UGT1A10: variants seen among roughly 807,000 people sequenced by gnomAD.
UGT1A10 encodes UDP-glucuronosyltransferase 1A10.
In UGT1A10, 49 loss-of-function variants were observed where a neutral mutation model predicts 45.8. The ratio of observed to expected loss-of-function variants is 1.07; its 90% CI spans 0.85 to 1.36. The LOEUF is 1.36. UGT1A10 is among the 40% of genes most tolerant of loss of function. The pLI is 0.00. For missense variants in UGT1A10, 745 were observed against 668.6 expected (o/e 1.11, Z -1.26); for synonymous variants, 284 against 249.7 (o/e 1.14, Z -1.29).
At chr2:233,709,289 A>G (rs2076069950) in intron 1 of UGT1A10, among the ~76,000 whole-genome samples, 1 of 152,138 alleles carries the variant, frequency 6.6e-6, no homozygotes, top group African/African-American at 2.4e-5. Context: ...CCCTTCAATT[A>G]ATGATATTTT....
At chr2:233,757,535 A>AATATATATACATATATATACATATAT (rs376887521) in intron 1 of UGT1A10, among the ~76,000 whole-genome samples, 1 of 88,312 alleles carries the variant, frequency 1.1e-5, no homozygotes, top group Non-Finnish European at 2.2e-5. Context: ...GCCTGTAAGG[A>AATATATATACATATATATACATATAT]ATATATATAT....
chr2:233,743,752 C>A, intron 1 of UGT1A10: 1 of 1,367,386 alleles, frequency 7.3e-7, no homozygotes, highest in Non-Finnish European at 9.8e-7. Context: ...CGTCCGACAA[C>A]ACCTCGTAGG....
Position 233,697,037 on chromosome 2 carries a change from CT to C in UGT1A10, c.855+59669del, listed in dbSNP as rs533697413. Among the ~76,000 whole-genome samples, 153 of 150,928 alleles carry C rather than the reference CT, an allele frequency of 1.0e-3. 1 individual carries two copies. The Middle Eastern group carries it at 0.034, about 34-fold the overall frequency. On this transcript the variant is annotated intron_variant, in intron 1 of 4. Transcript: ENST00000344644. ...GTCAGAGATATGGGCCCGCAGTTTTCTTTTTTTTTGTTGTGTCCTTGTCTGG... is the reference window on the plus strand; with the variant it reads ...GTCAGAGATATGGGCCCGCAGTTTTCTTTTTTTTGTTGTGTCCTTGTCTGG...
rs150219224 is a variant in UGT1A10 at position 233,717,206 on chromosome 2, C to T, written c.856-49828C>T. ...CCCTCCCAGGCATGTTCCACCCTCA[C>T]CCCGGGCTCATCAGGAGGGTTCTTA... On this transcript the variant is annotated intron_variant, in intron 1 of 4. Transcript: ENST00000344644. 4.2e-3 allele frequency among the ~76,000 whole-genome samples: 642 copies of T among 152,286 alleles called. 13 individuals are homozygous for T. The highest frequency in any genetic ancestry group is 0.038 in the Admixed American group (585 of 15,298).
At chr2:233,670,276 G>C (rs866474608) in intron 1 of UGT1A10, among the ~76,000 whole-genome samples, 1 of 152,214 alleles carries the variant, frequency 6.6e-6, no homozygotes, top group African/African-American at 2.4e-5. Context: ...TGGTTTTGCT[G>C]TTTCAGGGGT....
At chr2:233,689,968 A>G (rs2074968458) in intron 1 of UGT1A10, 2 of 456,038 alleles carry the variant, frequency 4.4e-6, no homozygotes, top group South Asian at 1.6e-5. Context: ...GCTTGGAGGA[A>G]CCCACAGGCC....
chr2:233,704,593 A>G (rs1056281955), intron 1 of UGT1A10, among the ~76,000 whole-genome samples: 3 of 152,182 alleles, frequency 2.0e-5, no homozygotes, highest in Non-Finnish European at 2.9e-5. Context: ...GAGAGAAGAA[A>G]GAAGAGCAAG....
intron 1 of UGT1A10, chr2:233,719,131 A>T: frequency 2.5e-6 from 4 of 1,614,200 alleles, no homozygotes; most frequent in Non-Finnish European, 3.4e-6. Flanking sequence ...TTTGAAACAG[A>T]ACATCTTCTG....
chr2:233,724,221 C>T lies in UGT1A10; in HGVS notation c.856-42813C>T, dbSNP rs1235713996. ...GGCCGGGCTGAGGGGCTCCTCACTT[C>T]CCAGTAGGGGCGGCCGGGCAGAGGC... On this transcript the variant is annotated intron_variant, in intron 1 of 4. Coordinates refer to ENST00000344644, the MANE Select transcript of UGT1A10 (RefSeq NM_019075.4). Among the ~76,000 whole-genome samples the T allele has an allele frequency of 3.1e-5, 4 of 130,194 alleles. No individual in the cohort carries two copies. In the East Asian group the frequency reaches 9.2e-4, roughly 30 times the overall value. 85.4% of individuals were successfully genotyped at this position (130,194 alleles called of 152,430 possible). A position where few individuals can be genotyped will look rare whatever the true frequency, so the allele number is the denominator to read the frequency against.
intron 1 of UGT1A10, among the ~76,000 whole-genome samples, chr2:233,664,723 C>T (rs1477835099): frequency 1.3e-5 from 2 of 152,302 alleles, no homozygotes; most frequent in South Asian, 2.1e-4. Flanking sequence ...CAAACACCTC[C>T]CACCAGGCCC....
At chr2:233,744,417 G>C (rs1328403713) in intron 1 of UGT1A10, among the ~76,000 whole-genome samples, 1 of 151,850 alleles carries the variant, frequency 6.6e-6, no homozygotes, top group Non-Finnish European at 1.5e-5. Flanking sequence ...TTTTGTTCAT[G>C]TGGATTATAT....
In UGT1A10 at chr2:233,769,856, TCA is replaced by T; in HGVS notation, c.1295+1418_1295+1419del. 4.3e-5 allele frequency: 14 copies of T among 322,422 alleles called. No individual in the cohort carries two copies. Among genetic ancestry groups the T allele is most frequent in the Admixed American group, 5.6e-5 (1 of 17,838 alleles). The allele number at this position is 322,422 out of a possible 1,614,324, so 20.0% of individuals were successfully genotyped here. A position where few individuals can be genotyped will look rare whatever the true frequency, so the allele number is the denominator to read the frequency against. ...CTGGGCAACAGAGTGAGACCCTGTC[TCA>T]AAAAAAAAAAAAAAAATGAAAAGTC... On this transcript the variant is annotated intron_variant, in intron 4 of 4. Transcript: ENST00000344644. The surrounding 1 kb of genome is among the most constrained non-coding windows in gnomAD (Gnocchi z 4.4).
intron 1 of UGT1A10, among the ~76,000 whole-genome samples, chr2:233,725,195 G>A (rs2077386503): frequency 1.1e-5 from 1 of 94,936 alleles, no homozygotes; most frequent in Non-Finnish European, 1.9e-5. Flanking sequence ...CAGAGGCAGA[G>A]GCAGAGGCAG....
At chr2:233,646,194 C>A (rs1477671083) in intron 1 of UGT1A10, among the ~76,000 whole-genome samples, 1 of 152,188 alleles carries the variant, frequency 6.6e-6, no homozygotes, top group Non-Finnish European at 1.5e-5. Context: ...ATGCAAGACA[C>A]CAAGTCCCTA....
intron 1 of UGT1A10, chr2:233,648,762 C>A: frequency 1.4e-6 from 1 of 725,310 alleles, no homozygotes; most frequent in South Asian, 1.6e-5. Context: ...CCACACCCAG[C>A]CTGGATGCCA....
Position 233,693,352 on chromosome 2 carries a change from G to C in UGT1A10, c.855+55975G>C, listed in dbSNP as rs757976622. 15 of 1,614,056 alleles carry C rather than the reference G, an allele frequency of 9.3e-6. No homozygotes were observed. Among genetic ancestry groups the C allele is most frequent in the Admixed American group, 1.7e-5 (1 of 59,998 alleles). On this transcript the variant is annotated intron_variant, in intron 1 of 4. Transcript: ENST00000344644. ...CTCAGACAGAGTACAGGAATAACAT[G>C]ATTGTTATTGGCCTGTACTTCATCA...
intron 1 of UGT1A10, chr2:233,760,660 T>C: frequency 6.2e-7 from 1 of 1,614,244 alleles, no homozygotes; most frequent in Non-Finnish European, 8.5e-7. Flanking sequence ...TATGCTTTTG[T>C]CTGGCTGTTC....
At chr2:233,729,570 G>T (rs1300116271) in intron 1 of UGT1A10, 1 of 1,613,988 alleles carries the variant, frequency 6.2e-7, no homozygotes, top group Non-Finnish European at 8.5e-7. Flanking sequence ...CCTTTGATGT[G>T]GTTTTAACAG....
chr2:233,708,218 A>G (rs2125610578), intron 1 of UGT1A10, among the ~76,000 whole-genome samples: 1 of 152,314 alleles, frequency 6.6e-6, no homozygotes, highest in South Asian at 2.1e-4. Flanking sequence ...TTAACAATTT[A>G]TTCTTCCCTT....
Sources: gnomAD v4.1 joint callset for allele counts (sites outside exome capture counted in the v4.1 genomes callset) on GRCh38, gnomAD v4.1.1 for gene constraint, Gnocchi (gnomAD v3.1) non-coding constraint, MANE v1.5 for transcripts, NCBI Gene and HGNC (gene_info 2026-07-23, HGNC 2026-07-21) for gene names.